The following CA10 variants were observed in gnomAD, a reference collection of about 807,000 sequenced individuals.
CA10 encodes the protein carbonic anhydrase 10 (inactive), also known as carbonic anhydrase-related protein 10.
A neutral mutation model predicts 44.2 loss-of-function variants in CA10; 14 were observed. The ratio of observed to expected loss-of-function variants is 0.32; its 90% CI spans 0.21 to 0.50. The LOEUF (loss-of-function observed/expected upper bound fraction) is 0.50, where lower values mean the gene tolerates loss of function less well. Among genes scored for constraint, CA10 ranks in the 20% least tolerant of loss-of-function variants. The pLI, the probability that CA10 is intolerant of heterozygous loss-of-function variation, is 0.99. For synonymous variants in CA10, 159 were observed against 141.6 expected (o/e 1.12, Z -0.87); for missense variants, 350 against 409.7 (o/e 0.85, Z 1.26).
chr17:51,642,135 G>T (rs1259279453), intron 6 of CA10, among the ~76,000 whole-genome samples: 1 of 152,204 alleles, frequency 6.6e-6, no homozygotes, highest in Non-Finnish European at 1.5e-5. Flanking sequence ...CTGAGAATTG[G>T]ATTCGTGGAG....
At chr17:51,669,361 T>C (rs2143342634) in intron 4 of CA10, among the ~76,000 whole-genome samples, 1 of 152,232 alleles carries the variant, frequency 6.6e-6, no homozygotes, top group East Asian at 1.9e-4. Flanking sequence ...TGTGTCCAGC[T>C]AAAGGATTGT....
chr17:51,674,193 T>C (rs982949045), intron 4 of CA10, among the ~76,000 whole-genome samples: 2 of 152,314 alleles, frequency 1.3e-5, no homozygotes, highest in South Asian at 2.1e-4. Flanking sequence ...ATAGAAATTA[T>C]TTCCCCAGGA....
intron 3 of CA10, among the ~76,000 whole-genome samples, chr17:51,911,109 C>G (rs572366963): frequency 6.6e-6 from 1 of 152,296 alleles, no homozygotes; most frequent in African/African-American, 2.4e-5. Flanking sequence ...CGTGGTTCCA[C>G]TTGCCCCTCC....
At chr17:51,850,649 A>G (rs1978754044) in intron 3 of CA10, among the ~76,000 whole-genome samples, 1 of 152,348 alleles carries the variant, frequency 6.6e-6, no homozygotes, top group East Asian at 1.9e-4. Flanking sequence ...GTGGAAGGGC[A>G]CATAGGCAGC....
intron 1 of CA10, among the ~76,000 whole-genome samples, chr17:52,118,603 A>G (rs1988947971): frequency 6.6e-6 from 1 of 152,158 alleles, no homozygotes; most frequent in Non-Finnish European, 1.5e-5. Flanking sequence ...GTTGAGGTAC[A>G]TGGGATTGCC....
intron 2 of CA10, among the ~76,000 whole-genome samples, chr17:52,057,897 T>A (rs983993642): frequency 1.3e-5 from 2 of 152,052 alleles, no homozygotes; most frequent in African/African-American, 4.8e-5. Context: ...ACTGTGTAGA[T>A]CCTGAAGTTC....
chr17:51,893,361 G>A (rs1390396516), intron 3 of CA10, among the ~76,000 whole-genome samples: 1 of 152,096 alleles, frequency 6.6e-6, no homozygotes, highest in African/African-American at 2.4e-5. Context: ...AGGGGATACG[G>A]GAAGGGAAGC....
At chr17:51,753,376 G>A (rs1446631794) in intron 3 of CA10, among the ~76,000 whole-genome samples, 1 of 152,230 alleles carries the variant, frequency 6.6e-6, no homozygotes, top group Non-Finnish European at 1.5e-5. Context: ...GTGCTTTGCA[G>A]CAGTCAGTGA....
At chr17:51,793,737 C>T (rs11655453) in intron 3 of CA10, among the ~76,000 whole-genome samples, 3,893 of 152,306 alleles carry the variant, frequency 0.026, 73 homozygotes, top group Non-Finnish European at 0.042. Context: ...GAGACAATTT[C>T]TTTTCCCTTG....
chr17:51,886,843 CT>C (rs1362727747), intron 3 of CA10, among the ~76,000 whole-genome samples: 5 of 152,234 alleles, frequency 3.3e-5, no homozygotes, highest in Non-Finnish European at 7.4e-5. Flanking sequence ...TTCTCTCACC[CT>C]GGGATTTTGG....
At chr17:51,905,099 T>C (rs560891350) in intron 3 of CA10, among the ~76,000 whole-genome samples, 1 of 152,316 alleles carries the variant, frequency 6.6e-6, no homozygotes, top group African/African-American at 2.4e-5. Flanking sequence ...GTAAATTCTC[T>C]ATATTCTCTT....
chr17:51,635,717 T>C, intron 7 of CA10, 138 bp downstream of exon 7: 1 of 562,424 alleles, frequency 1.8e-6, no homozygotes, highest in South Asian at 3.4e-5. Context: ...GATAAGTTTG[T>C]GTTAGTTTAA....
At chr17:52,050,722 T>C (rs1987040289) in intron 2 of CA10, among the ~76,000 whole-genome samples, 1 of 152,080 alleles carries the variant, frequency 6.6e-6, no homozygotes, top group Non-Finnish European at 1.5e-5. Context: ...AACTTGCTGG[T>C]CCACTGAACA....
chr17:51,711,098 G>C (rs1186559419), intron 4 of CA10, among the ~76,000 whole-genome samples: 1 of 151,938 alleles, frequency 6.6e-6, no homozygotes, highest in African/African-American at 2.4e-5. Flanking sequence ...AAAACGCGAC[G>C]TATAAAAGGA....
intron 4 of CA10, among the ~76,000 whole-genome samples, chr17:51,673,280 C>A (rs1914493486): frequency 6.6e-6 from 1 of 152,200 alleles, no homozygotes; most frequent in East Asian, 1.9e-4. Context: ...CCAGGCAATT[C>A]ATGCAGATAC....
chr17:51,655,650 AG>A (rs1450092754), intron 4 of CA10, among the ~76,000 whole-genome samples: 6 of 152,244 alleles, frequency 3.9e-5, no homozygotes, highest in African/African-American at 1.4e-4. Flanking sequence ...ATTCATCAAA[AG>A]CTTACCAGCT....
intron 3 of CA10, among the ~76,000 whole-genome samples, chr17:51,769,556 C>T (rs1250031471): frequency 6.6e-6 from 1 of 152,128 alleles, no homozygotes; most frequent in African/African-American, 2.4e-5. Flanking sequence ...ACCCTGACAT[C>T]AGTCTAGCAG....
At chr17:52,115,614 A>G (rs1200014960) in intron 1 of CA10, among the ~76,000 whole-genome samples, 1 of 151,962 alleles carries the variant, frequency 6.6e-6, no homozygotes, top group Non-Finnish European at 1.5e-5. Flanking sequence ...CCCCACCCCA[A>G]TGGCCACAGG....
chr17:52,024,546 C>G (rs1436720555), intron 2 of CA10, among the ~76,000 whole-genome samples: 2 of 151,738 alleles, frequency 1.3e-5, no homozygotes, highest in African/African-American at 4.8e-5. Context: ...AAATCCCAAG[C>G]CAAAGGGAAG....
Sources: allele counts gnomAD v4.1 joint callset (sites outside exome capture counted in the v4.1 genomes callset), GRCh38; gene constraint gnomAD v4.1.1; transcripts MANE v1.5; gene names NCBI Gene and HGNC (gene_info 2026-07-23, HGNC 2026-07-21).